Variants in AFG2A observed in about 807,000 individuals in gnomAD.
AFG2A encodes AAA ATPase AFG2A, also known as ATPase family gene 2 protein homolog A.
chr4:123,054,499 A>G, the AFG2A span, among the ~76,000 whole-genome samples: 1 of 151,922 alleles, frequency 6.6e-6, no homozygotes, highest in African/African-American at 2.4e-5. Context: ...CAGGCAGATG[A>G]CGAGGTCAGG....
the AFG2A span, among the ~76,000 whole-genome samples, chr4:123,186,674 A>T: frequency 6.6e-6 from 1 of 152,168 alleles, no homozygotes. Flanking sequence ...TTTGAAAAAT[A>T]TGACTTTTAG....
At chr4:123,250,713 T>A in the AFG2A span, among the ~76,000 whole-genome samples, 1 of 152,182 alleles carries the variant, frequency 6.6e-6, no homozygotes. Context: ...ATGATTTGTG[T>A]TTTTTAATAA....
the AFG2A span, among the ~76,000 whole-genome samples, chr4:122,965,788 C>T: frequency 6.6e-6 from 1 of 152,064 alleles, no homozygotes; most frequent in African/African-American, 2.4e-5. Context: ...CTTCAGGTTT[C>T]TAAAAATATA....
the AFG2A span, among the ~76,000 whole-genome samples, chr4:123,150,628 A>C: frequency 1.3e-5 from 2 of 152,180 alleles, no homozygotes; most frequent in African/African-American, 2.4e-5. Flanking sequence ...GACACAAACA[A>C]ATGAAAAAAT....
chr4:123,180,995 T>TA, the AFG2A span, among the ~76,000 whole-genome samples: 1 of 149,972 alleles, frequency 6.7e-6, no homozygotes, highest in East Asian at 2.0e-4. Flanking sequence ...TTTTTTTTTT[T>TA]TTTATTTGAG....
the AFG2A span, among the ~76,000 whole-genome samples, chr4:123,021,568 T>G: frequency 2.0e-5 from 3 of 152,214 alleles, no homozygotes; most frequent in African/African-American, 7.2e-5. Flanking sequence ...ATTTACATTT[T>G]AGAGAACTTC....
the AFG2A span, among the ~76,000 whole-genome samples, chr4:123,051,026 G>GT: frequency 6.6e-6 from 1 of 151,800 alleles, no homozygotes; most frequent in Non-Finnish European, 1.5e-5. Context: ...TGAGGGTCTT[G>GT]TTTTTTAATC....
chr4:123,313,951 A>C, the AFG2A span: 1 of 1,613,122 alleles, frequency 6.2e-7, no homozygotes, highest in African/African-American at 1.3e-5. Flanking sequence ...AGCCAATCTC[A>C]TCATGAAAAG....
the AFG2A span, among the ~76,000 whole-genome samples, chr4:123,146,085 A>T: frequency 3.3e-5 from 5 of 152,226 alleles, no homozygotes; most frequent in East Asian, 9.6e-4. Flanking sequence ...TCTCAACAAC[A>T]CTAGATGCAA....
the AFG2A span, among the ~76,000 whole-genome samples, chr4:123,147,487 T>G: frequency 6.6e-6 from 1 of 152,180 alleles, no homozygotes. Context: ...ATTCTTATTT[T>G]CTCAGTAGTT....
chr4:123,075,299 T>C, the AFG2A span, among the ~76,000 whole-genome samples: 1 of 152,150 alleles, frequency 6.6e-6, no homozygotes, highest in Non-Finnish European at 1.5e-5. Context: ...TGCCTTGTGT[T>C]GAGTTGAGCG....
chr4:123,118,416 G>T, the AFG2A span, among the ~76,000 whole-genome samples: 5,042 of 146,078 alleles, frequency 0.035, 297 homozygotes, highest in African/African-American at 0.12. Flanking sequence ...AGGAAACTAT[G>T]TATACCCTTC....
the AFG2A span, among the ~76,000 whole-genome samples, chr4:123,059,424 A>C: frequency 6.6e-6 from 1 of 150,482 alleles, no homozygotes; most frequent in East Asian, 2.0e-4. Flanking sequence ...TGTTCTTGAG[A>C]TAGTTTACTG....
the AFG2A span, among the ~76,000 whole-genome samples, chr4:123,045,001 T>A: frequency 1.4e-4 from 22 of 152,204 alleles, no homozygotes; most frequent in East Asian, 3.9e-4. Context: ...CTTCTTTTTT[T>A]AAAAATTTCT....
chr4:123,228,738 C>A, the AFG2A span, among the ~76,000 whole-genome samples: 1 of 151,966 alleles, frequency 6.6e-6, no homozygotes, highest in Non-Finnish European at 1.5e-5. Flanking sequence ...ATAAATGTTA[C>A]ACACTTAGCA....
At chr4:123,004,387 CTCATCTTCTGCGTT>C in the AFG2A span, among the ~76,000 whole-genome samples, 1 of 152,232 alleles carries the variant, frequency 6.6e-6, no homozygotes, top group Non-Finnish European at 1.5e-5. Flanking sequence ...GCAGAAATCC[CTCATCTTCTGCGTT>C]GCTCACGCTG....
At chr4:123,090,533 T>C in the AFG2A span, 1 of 1,603,744 alleles carries the variant, frequency 6.2e-7, no homozygotes, top group Non-Finnish European at 8.5e-7. Flanking sequence ...ATAATAGTAT[T>C]TGAAGATAAG....
At chr4:123,119,079 T>C in the AFG2A span, among the ~76,000 whole-genome samples, 1 of 152,156 alleles carries the variant, frequency 6.6e-6, no homozygotes, top group South Asian at 2.1e-4. Context: ...CCAAACCAAA[T>C]TAACAGTTGA....
chr4:123,017,507 A>G, the AFG2A span, among the ~76,000 whole-genome samples: 9 of 143,138 alleles, frequency 6.3e-5, no homozygotes, highest in African/African-American at 2.4e-4. Context: ...CTAAGAACAC[A>G]TTTTAACAGT....
Sources: allele counts gnomAD v4.1 joint callset (sites outside exome capture counted in the v4.1 genomes callset), GRCh38; gene constraint gnomAD v4.1.1; transcripts MANE v1.5; gene names NCBI Gene and HGNC (gene_info 2026-07-23, HGNC 2026-07-21).